The following PCDH9 variants were observed in gnomAD, a reference collection of about 807,000 sequenced individuals.
PCDH9 encodes the protein protocadherin-9.
A neutral mutation model predicts 70.6 loss-of-function variants in PCDH9; 24 were observed. The observed-to-expected ratio is 0.34, with a 90% CI of 0.25 to 0.48. The LOEUF is 0.48. Ranked by LOEUF, PCDH9 falls within the 20% of genes least tolerant of loss-of-function variation. The pLI is 0.99. For synonymous variants in PCDH9, 562 were observed against 558.5 expected (o/e 1.01, Z -0.09); for missense variants, 1,281 against 1,503.6 (o/e 0.85, Z 2.45).
chr13:66,576,392 C>T lies in PCDH9; in HGVS notation c.3340+54818G>A, dbSNP rs567794213. Among the ~76,000 whole-genome samples the T allele has an allele frequency of 2.6e-5, 4 of 151,882 alleles. No homozygotes were observed. The South Asian group carries it at 8.3e-4, about 32-fold the overall frequency. Reference sequence around the variant, plus strand: ...TAATCGTAGCAATGAAATTTCAGGTCATAGATTCAAACCTTTATGGCTATT... The same window carrying T: ...TAATCGTAGCAATGAAATTTCAGGTTATAGATTCAAACCTTTATGGCTATT... On this transcript the variant is annotated intron_variant, in intron 4 of 4. Coordinates refer to ENST00000377865, the MANE Select transcript of PCDH9 (RefSeq NM_203487.3).
At chr13:66,416,870 A>C (rs1470291542) in intron 4 of PCDH9, among the ~76,000 whole-genome samples, 1 of 152,218 alleles carries the variant, frequency 6.6e-6, no homozygotes, top group Non-Finnish European at 1.5e-5. Flanking sequence ...ATCCTGAGAA[A>C]ACGTCTTGAA....
intron 3 of PCDH9, among the ~76,000 whole-genome samples, chr13:66,818,666 C>A (rs1320722306): frequency 2.0e-5 from 3 of 152,154 alleles, no homozygotes; most frequent in Non-Finnish European, 4.4e-5. Flanking sequence ...GGTGCGGTGG[C>A]TCACGCCTGT....
chr13:66,794,180 G>A (rs928935177), intron 3 of PCDH9, among the ~76,000 whole-genome samples: 6 of 152,054 alleles, frequency 3.9e-5, no homozygotes, highest in East Asian at 3.9e-4. Context: ...AATAAAAAAC[G>A]TAGACTGTAA....
chr13:67,209,428 T>C (rs2089425053), intron 2 of PCDH9: 1 of 152,170 alleles, frequency 6.6e-6, no homozygotes, highest in African/African-American at 2.4e-5. Flanking sequence ...TCTGGAACTA[T>C]TTAATACATC....
At chr13:66,786,947 T>C (rs1287251497) in intron 3 of PCDH9, among the ~76,000 whole-genome samples, 2 of 152,076 alleles carry the variant, frequency 1.3e-5, no homozygotes, top group African/African-American at 2.4e-5. Flanking sequence ...CACTAAAAAG[T>C]ACAAAGAAGA....
At chr13:66,837,963 T>C (rs1014959890) in intron 3 of PCDH9, among the ~76,000 whole-genome samples, 12 of 151,686 alleles carry the variant, frequency 7.9e-5, no homozygotes, top group Non-Finnish European at 1.3e-4. Flanking sequence ...ATAAATGAAA[T>C]TGAACACTAA....
intron 3 of PCDH9, among the ~76,000 whole-genome samples, chr13:66,688,969 C>A (rs1414619940): frequency 6.6e-6 from 1 of 152,000 alleles, no homozygotes; most frequent in Non-Finnish European, 1.5e-5. Context: ...TAGGAAAAAT[C>A]TATGGTCATT....
chr13:66,374,277 A>G (rs1956710482), intron 4 of PCDH9, among the ~76,000 whole-genome samples: 1 of 151,978 alleles, frequency 6.6e-6, no homozygotes, highest in South Asian at 2.1e-4. Context: ...TTGATCTTTC[A>G]GGTAAGTTCT....
intron 4 of PCDH9, among the ~76,000 whole-genome samples, chr13:66,559,247 T>C (rs1176539369): frequency 2.6e-5 from 4 of 152,174 alleles, no homozygotes; most frequent in African/African-American, 9.6e-5. Context: ...CTTGGTGATG[T>C]AGTAAAGGAT....
chr13:66,542,077 G>T (rs1417814899), intron 4 of PCDH9, among the ~76,000 whole-genome samples: 1 of 152,128 alleles, frequency 6.6e-6, no homozygotes, highest in Non-Finnish European at 1.5e-5. Context: ...GTGTAAAACA[G>T]CAGATGAGAA....
At chr13:66,779,474 G>A (rs1685288282) in intron 3 of PCDH9, among the ~76,000 whole-genome samples, 1 of 152,064 alleles carries the variant, frequency 6.6e-6, no homozygotes, top group Non-Finnish European at 1.5e-5. Context: ...AGTGAAGTAA[G>A]CTAGACAGAC....
rs535158891 is a variant in PCDH9 at position 66,761,356 on chromosome 13, T to C, written c.3139-129945A>G. On this transcript the variant is annotated intron_variant, in intron 3 of 4. Coordinates refer to ENST00000377865, the MANE Select transcript of PCDH9 (RefSeq NM_203487.3). ...AAATATTGGGGGCTGGCTCCCCCAATAGTTGGACATTCCTGTACCTGGATA... is the reference window on the plus strand; with the variant it reads ...AAATATTGGGGGCTGGCTCCCCCAACAGTTGGACATTCCTGTACCTGGATA... Among the ~76,000 whole-genome samples the C allele has an allele frequency of 3.3e-5, 5 of 152,266 alleles. No individual in the cohort carries two copies. In the South Asian group the frequency reaches 1.0e-3, roughly 32 times the overall value.
chr13:67,120,187 A>AAATAAT (rs149316252), intron 2 of PCDH9, among the ~76,000 whole-genome samples: 34,659 of 143,528 alleles, frequency 0.24, 4,390 homozygotes, highest in Middle Eastern at 0.3. Context: ...CTCATGCATT[A>AAATAAT]AATAATAATA....
At chr13:66,876,054 C>T (rs2081801405) in intron 3 of PCDH9, among the ~76,000 whole-genome samples, 1 of 152,108 alleles carries the variant, frequency 6.6e-6, no homozygotes, top group Non-Finnish European at 1.5e-5. Context: ...TCATTGCAAA[C>T]TCGGCTATCC....
intron 4 of PCDH9, among the ~76,000 whole-genome samples, chr13:66,547,366 G>A (rs904791417): frequency 4.6e-5 from 7 of 152,062 alleles, no homozygotes; most frequent in South Asian, 2.1e-4. Flanking sequence ...CATAGTTAAC[G>A]TTTTTATCTT....
intron 2 of PCDH9, among the ~76,000 whole-genome samples, chr13:66,909,066 A>T (rs1406670997): frequency 1.3e-5 from 2 of 151,958 alleles, no homozygotes; most frequent in East Asian, 1.9e-4. Flanking sequence ...GTTTTTTTTT[A>T]ATTGCTTTTT....
At chr13:66,388,022 C>G (rs1956959065) in intron 4 of PCDH9, among the ~76,000 whole-genome samples, 1 of 152,134 alleles carries the variant, frequency 6.6e-6, no homozygotes, top group South Asian at 2.1e-4. Context: ...GGATGTCAGT[C>G]AAATCCCTTG....
chr13:66,453,541 G>A (rs899577959), intron 4 of PCDH9, among the ~76,000 whole-genome samples: 1 of 152,104 alleles, frequency 6.6e-6, no homozygotes, highest in Admixed American at 6.5e-5. Flanking sequence ...AGTGCCTATT[G>A]TAATGAATAA....
At chr13:66,445,343 C>A (rs993608453) in intron 4 of PCDH9, among the ~76,000 whole-genome samples, 1 of 146,920 alleles carries the variant, frequency 6.8e-6, no homozygotes, top group Non-Finnish European at 1.5e-5. Context: ...TAGTTCATTG[C>A]AGAAAGTTAG....
Sources: allele counts gnomAD v4.1 joint callset (sites outside exome capture counted in the v4.1 genomes callset), GRCh38; gene constraint gnomAD v4.1.1; transcripts MANE v1.5; gene names NCBI Gene and HGNC (gene_info 2026-07-23, HGNC 2026-07-21).